Variants in PPP3CC observed in about 807,000 individuals in gnomAD.
The protein encoded by PPP3CC is protein phosphatase 3 catalytic subunit gamma, also known as serine/threonine-protein phosphatase 2B catalytic subunit gamma isoform.
In PPP3CC, 35 loss-of-function variants were observed where a neutral mutation model predicts 60.3. The observed-to-expected ratio is 0.58, with a 90% CI of 0.44 to 0.77. The LOEUF is 0.77. PPP3CC is among the 30% of genes least tolerant of loss of function. PPP3CC has a pLI of 0.00. For synonymous variants in PPP3CC, 206 were observed against 224.3 expected, an observed-to-expected ratio of 0.92 and a Z score of 0.73; for missense variants, 570 against 628.9, an observed-to-expected ratio of 0.91 and a Z score of 1.00.
chr8:22,483,460 G>A (rs1259168889), intron 3 of PPP3CC, among the ~76,000 whole-genome samples: 1 of 151,956 alleles, frequency 6.6e-6, no homozygotes, highest in East Asian at 1.9e-4. Context: ...CTAATTTTTT[G>A]TATTTTTAGT....
chr8:22,446,273 C>T (rs574853228), intron 1 of PPP3CC, among the ~76,000 whole-genome samples: 1 of 105,734 alleles, frequency 9.5e-6, no homozygotes, highest in African/African-American at 8.5e-5. Flanking sequence ...ACGTTCAGTC[C>T]ACTGGTTTCC....
chr8:22,488,958 A>G (rs371790580), intron 3 of PPP3CC, among the ~76,000 whole-genome samples: 1 of 152,186 alleles, frequency 6.6e-6, no homozygotes, highest in East Asian at 1.9e-4. Flanking sequence ...AGAGTGGGGC[A>G]GATAGATGAT....
intron 3 of PPP3CC, among the ~76,000 whole-genome samples, chr8:22,486,703 A>G (rs1038048001): frequency 6.6e-6 from 1 of 150,764 alleles, no homozygotes; most frequent in African/African-American, 2.4e-5. Flanking sequence ...TGGACATCTC[A>G]TCTCCAGACT....
chr8:22,517,937 A>C (rs1308669365), intron 6 of PPP3CC, among the ~76,000 whole-genome samples: 1 of 152,022 alleles, frequency 6.6e-6, no homozygotes, highest in Non-Finnish European at 1.5e-5. Flanking sequence ...AGTGTAAAAT[A>C]AGGTTGTTTA....
intron 3 of PPP3CC, among the ~76,000 whole-genome samples, chr8:22,477,216 C>G (rs901876707): frequency 1.1e-4 from 16 of 152,046 alleles, no homozygotes; most frequent in Admixed American, 9.2e-4. Context: ...ATGGCTCATG[C>G]CTGTAATCCC....
At chr8:22,482,878 A>C (rs1838110132) in intron 3 of PPP3CC, among the ~76,000 whole-genome samples, 1 of 152,160 alleles carries the variant, frequency 6.6e-6, no homozygotes, top group South Asian at 2.1e-4. Context: ...TTTAAGATAA[A>C]CCTCTTAGTG....
At position 22,498,067 on chromosome 8, in the gene PPP3CC, C is replaced by T; in HGVS notation, c.439C>T (p.His147Tyr). 1.2e-6 allele frequency: 2 copies of T among 1,613,186 alleles called. No homozygotes were observed. The highest frequency in any genetic ancestry group is 2.2e-5 in the South Asian group (2 of 91,028). The change falls in exon 4 of 14, where the codon CAT (histidine) becomes TAT (tyrosine). Residue 147 changes from histidine to tyrosine, a missense_variant. Transcript: ENST00000240139. ...AACATTGTTTCTGCTTCGGGGAAAT[C>T]ATGAATGCAGGCATCTTACAGACTA... ...PKTLFLLRGN[H>Y]ECRHLTDYFT...
At chr8:22,532,431 C>T in intron 11 of PPP3CC, 125 bp downstream of exon 11, 1 of 745,038 alleles carries the variant, frequency 1.3e-6, no homozygotes. Flanking sequence ...AGGTTGAGTG[C>T]AAATTCAATG....
intron 1 of PPP3CC, among the ~76,000 whole-genome samples, chr8:22,442,134 C>G (rs939729855): frequency 2.6e-5 from 4 of 152,206 alleles, no homozygotes; most frequent in Admixed American, 6.5e-5. Flanking sequence ...GCTCTTTGCT[C>G]TCTAAATCTT....
intron 1 of PPP3CC, among the ~76,000 whole-genome samples, chr8:22,448,665 C>T (rs1836913446): frequency 6.6e-6 from 1 of 152,092 alleles, no homozygotes; most frequent in African/African-American, 2.4e-5. Context: ...AGGTGTGAGC[C>T]ACCGTGCCTG....
At chr8:22,470,068 AC>A (rs1837673832) in intron 1 of PPP3CC, among the ~76,000 whole-genome samples, 1 of 150,294 alleles carries the variant, frequency 6.7e-6, no homozygotes, top group Non-Finnish European at 1.5e-5. Flanking sequence ...ATACACACAC[AC>A]ACACACACAC....
intron 12 of PPP3CC, among the ~76,000 whole-genome samples, chr8:22,535,494 T>G (rs1052054073): frequency 9.2e-5 from 14 of 152,256 alleles, no homozygotes; most frequent in Admixed American, 5.2e-4. Context: ...ATCTGGCCTT[T>G]TTTCTTTTTC....
chr8:22,531,346 G>A, intron 10 of PPP3CC: 1 of 1,521,236 alleles, frequency 6.6e-7, no homozygotes, highest in Non-Finnish European at 8.8e-7. Context: ...ACTAAACTGT[G>A]CTAAGAGCTT....
chr8:22,525,120 C>T (rs1382093632), intron 8 of PPP3CC, among the ~76,000 whole-genome samples: 2 of 151,356 alleles, frequency 1.3e-5, no homozygotes, highest in Non-Finnish European at 2.9e-5. Context: ...CACTGCATTC[C>T]AGCCAGGCAA....
intron 1 of PPP3CC, among the ~76,000 whole-genome samples, chr8:22,461,967 GCTCACAC>G (rs1227212990): frequency 6.6e-6 from 1 of 152,206 alleles, no homozygotes; most frequent in East Asian, 1.9e-4. Flanking sequence ...GGGCACAGTG[GCTCACAC>G]CTTTAATCCC....
At chr8:22,528,454 G>C in intron 9 of PPP3CC, 52 bp from the exon 10 acceptor site, 1 of 1,247,658 alleles carries the variant, frequency 8.0e-7, no homozygotes, top group Non-Finnish European at 1.1e-6. Flanking sequence ...CATTATTTTA[G>C]AGAAAGTACC....
chr8:22,503,672 C>T (rs1380861088), intron 4 of PPP3CC, among the ~76,000 whole-genome samples: 9 of 152,062 alleles, frequency 5.9e-5, no homozygotes. Flanking sequence ...ACAATAGGTC[C>T]TGGAAACATT....
chr8:22,508,534 A>G (rs1838992524), intron 4 of PPP3CC, among the ~76,000 whole-genome samples: 1 of 152,198 alleles, frequency 6.6e-6, no homozygotes, highest in Admixed American at 6.5e-5. Flanking sequence ...CAAAATGACA[A>G]TACACTTCCT....
At chr8:22,462,425 C>A (rs895327588) in intron 1 of PPP3CC, among the ~76,000 whole-genome samples, 2 of 152,112 alleles carry the variant, frequency 1.3e-5, no homozygotes, top group African/African-American at 4.8e-5. Flanking sequence ...ATCATTCGTC[C>A]GCTAAACTGG....
Sources: gnomAD v4.1 joint callset for allele counts (sites outside exome capture counted in the v4.1 genomes callset) on GRCh38, gnomAD v4.1.1 for gene constraint, MANE v1.5 for transcripts, NCBI Gene and HGNC (gene_info 2026-07-23, HGNC 2026-07-21) for gene names.